RANBP2: variants seen among roughly 807,000 people sequenced by gnomAD.
The protein encoded by RANBP2 is E3 SUMO-protein ligase RanBP2.
A neutral mutation model predicts 303.6 loss-of-function variants in RANBP2; 57 were observed. That is an observed-to-expected ratio of 0.19 (90% confidence interval 0.15 to 0.23). The LOEUF (loss-of-function observed/expected upper bound fraction) is 0.23, where lower values mean the gene tolerates loss of function less well. Ranked by LOEUF, RANBP2 falls within the 10% of genes least tolerant of loss-of-function variation. The pLI is 1.00. For missense variants in RANBP2, 3,138 were observed against 3,780.8 expected (o/e 0.83, Z 4.46); for synonymous variants, 1,167 against 1,301.5 (o/e 0.90, Z 2.23).
At chr2:109,376,933 A>G in the RANBP2 span, among the ~76,000 whole-genome samples, 1 of 152,236 alleles carries the variant, frequency 6.6e-6, no homozygotes, top group African/African-American at 2.4e-5. Flanking sequence ...CTAGTCTGCA[A>G]TGTGAGGACA....
At chr2:109,494,197 G>C in the RANBP2 span, among the ~76,000 whole-genome samples, 12 of 152,206 alleles carry the variant, frequency 7.9e-5, no homozygotes, top group African/African-American at 2.7e-4. Context: ...TTTCTATAAA[G>C]TCATGGGCAT....
the RANBP2 span, among the ~76,000 whole-genome samples, chr2:108,997,940 T>C: frequency 6.6e-6 from 1 of 152,154 alleles, no homozygotes; most frequent in Non-Finnish European, 1.5e-5. Flanking sequence ...GCTCTGAACA[T>C]CCTGGCATGA....
At chr2:109,252,108 G>A in the RANBP2 span, among the ~76,000 whole-genome samples, 1 of 152,032 alleles carries the variant, frequency 6.6e-6, no homozygotes, top group Non-Finnish European at 1.5e-5. Flanking sequence ...GCTGAGTGGG[G>A]TGTCACAGGC....
the RANBP2 span, among the ~76,000 whole-genome samples, chr2:109,493,417 C>T: frequency 6.6e-6 from 1 of 151,394 alleles, no homozygotes; most frequent in Non-Finnish European, 1.5e-5. Flanking sequence ...ACACATACAT[C>T]ATGCAAACAC....
At chr2:109,054,696 CAA>C in the RANBP2 span, among the ~76,000 whole-genome samples, 15 of 57,816 alleles carry the variant, frequency 2.6e-4, no homozygotes, top group Admixed American at 3.9e-4. Flanking sequence ...GACTCCGTCT[CAA>C]AAAAAAAAAA....
At chr2:109,604,163 A>AC in the RANBP2 span, among the ~76,000 whole-genome samples, 1 of 143,072 alleles carries the variant, frequency 7.0e-6, no homozygotes, top group Non-Finnish European at 1.5e-5. Context: ...CTCTGCCTCA[A>AC]AAAAAAAAAA....
the RANBP2 span, among the ~76,000 whole-genome samples, chr2:109,516,238 G>A: frequency 6.6e-6 from 1 of 152,176 alleles, no homozygotes; most frequent in Non-Finnish European, 1.5e-5. Context: ...CCCATGCTGG[G>A]CCTGAAGGAC....
chr2:109,682,554 AC>A, the RANBP2 span, among the ~76,000 whole-genome samples: 1 of 152,158 alleles, frequency 6.6e-6, no homozygotes, highest in Admixed American at 6.5e-5. Flanking sequence ...GGTAGAAGAC[AC>A]TTTTTCCCTA....
chr2:108,960,591 T>C, the RANBP2 span, among the ~76,000 whole-genome samples: 2 of 152,200 alleles, frequency 1.3e-5, no homozygotes, highest in Non-Finnish European at 2.9e-5. Flanking sequence ...CTGTCACTGA[T>C]AGGTTTTTAC....
chr2:109,230,169 A>G, the RANBP2 span, among the ~76,000 whole-genome samples: 4 of 151,506 alleles, frequency 2.6e-5, no homozygotes, highest in African/African-American at 7.3e-5. Flanking sequence ...CGTCGTATGG[A>G]TATACTATAT....
At chr2:108,966,204 T>C in the RANBP2 span, among the ~76,000 whole-genome samples, 1 of 152,218 alleles carries the variant, frequency 6.6e-6, no homozygotes, top group Non-Finnish European at 1.5e-5. Context: ...GTATCAAATT[T>C]CAAGAATGCA....
the RANBP2 span, chr2:109,732,926 G>A: frequency 1.4e-6 from 1 of 730,468 alleles, no homozygotes; most frequent in East Asian, 2.9e-5. Context: ...CCCCTGTGTA[G>A]GAGAGGAACT....
chr2:109,088,346 G>A, the RANBP2 span, among the ~76,000 whole-genome samples: 3 of 142,094 alleles, frequency 2.1e-5, no homozygotes, highest in African/African-American at 7.8e-5. Flanking sequence ...GCAGTGAGCC[G>A]AGATTGATCC....
the RANBP2 span, among the ~76,000 whole-genome samples, chr2:109,533,491 G>A: frequency 6.6e-6 from 1 of 152,210 alleles, no homozygotes; most frequent in African/African-American, 2.4e-5. Context: ...GAATGCCCCA[G>A]GCCATATTGA....
the RANBP2 span, among the ~76,000 whole-genome samples, chr2:109,533,146 G>A: frequency 6.6e-6 from 1 of 152,174 alleles, no homozygotes; most frequent in South Asian, 2.1e-4. Flanking sequence ...AAAACAGAAA[G>A]GGAGGAAGGG....
the RANBP2 span, among the ~76,000 whole-genome samples, chr2:108,834,103 T>G: frequency 3.3e-5 from 5 of 151,540 alleles, no homozygotes; most frequent in Admixed American, 6.6e-5. Flanking sequence ...AATTTGAGGG[T>G]ATCATTTTAC....
the RANBP2 span, among the ~76,000 whole-genome samples, chr2:109,058,159 C>T: frequency 6.6e-6 from 1 of 152,158 alleles, no homozygotes; most frequent in African/African-American, 2.4e-5. Context: ...CAGGTGGGGA[C>T]GGTCACAGAA....
chr2:109,574,833 T>A, the RANBP2 span: 18 of 1,212,690 alleles, frequency 1.5e-5, no homozygotes, highest in Admixed American at 4.1e-4. Context: ...TGTGCAACTC[T>A]TAGAAGTTTG....
At chr2:109,028,481 C>A in the RANBP2 span, among the ~76,000 whole-genome samples, 1 of 152,138 alleles carries the variant, frequency 6.6e-6, no homozygotes, top group Non-Finnish European at 1.5e-5. Context: ...CACACGCCAC[C>A]CTCAGGCCCT....
Sources: allele counts gnomAD v4.1 joint callset (sites outside exome capture counted in the v4.1 genomes callset), GRCh38; gene constraint gnomAD v4.1.1; transcripts MANE v1.5; gene names NCBI Gene and HGNC (gene_info 2026-07-23, HGNC 2026-07-21).